The following CACNA2D3 variants were observed in gnomAD, a reference collection of about 807,000 sequenced individuals.
CACNA2D3 encodes voltage-dependent calcium channel subunit alpha-2/delta-3.
In CACNA2D3, 60 loss-of-function variants were observed where a neutral mutation model predicts 160.6. The ratio of observed to expected loss-of-function variants is 0.37; its 90% CI spans 0.30 to 0.46. The LOEUF (loss-of-function observed/expected upper bound fraction) is 0.46, where lower values mean the gene tolerates loss of function less well. Ranked by LOEUF, CACNA2D3 falls within the 20% of genes least tolerant of loss-of-function variation. CACNA2D3 has a pLI of 1.00. For missense variants in CACNA2D3, 1,205 were observed against 1,365.0 expected (o/e 0.88, Z 1.85); for synonymous variants, 558 against 492.9 (o/e 1.13, Z -1.75).
At chr3:54,276,572 C>CAAAAAA in intron 2 of CACNA2D3, among the ~76,000 whole-genome samples, 1 of 114,598 alleles carries the variant, frequency 8.7e-6, no homozygotes, top group East Asian at 2.3e-4. Context: ...GACTCTGTCT[C>CAAAAAA]AAAAAAAAAA....
At chr3:54,876,382 T>G (rs1393112398) in intron 18 of CACNA2D3, 1 of 152,160 alleles carries the variant, frequency 6.6e-6, no homozygotes, top group Non-Finnish European at 1.5e-5. Flanking sequence ...GGCAGTCTAT[T>G]AAGTCATCAA....
chr3:54,388,022 A>G (rs1868504), intron 4 of CACNA2D3, among the ~76,000 whole-genome samples: 16,480 of 152,250 alleles, frequency 0.11, 1,055 homozygotes, highest in African/African-American at 0.17. Context: ...GGGTACAACA[A>G]TGCATATTCA....
At position 54,626,998 on chromosome 3, in the gene CACNA2D3, T is replaced by G. The variant is rs551925942; in HGVS notation, c.964-789T>G. 5.9e-5 allele frequency among the ~76,000 whole-genome samples: 9 copies of G among 152,350 alleles called. No homozygotes were observed. In the South Asian group the frequency reaches 1.9e-3, roughly 32 times the overall value. ...TCTTAGGGCCTACTCTGGAAGAGCC[T>G]CACTCCCATTCTCCTTATTCCCTGG... is the stretch of plus-strand genomic sequence containing the variant. On this transcript the variant is annotated intron_variant, in intron 9 of 37. Coordinates refer to ENST00000474759, the MANE Select transcript of CACNA2D3 (RefSeq NM_018398.3).
At chr3:54,871,677 T>C in intron 18 of CACNA2D3, 55 bp downstream of exon 18, 1 of 1,378,118 alleles carries the variant, frequency 7.3e-7, no homozygotes, top group Non-Finnish European at 1.0e-6. Flanking sequence ...TACCCACTTC[T>C]GTACCTGGGG....
chr3:54,984,818 C>A, intron 30 of CACNA2D3, 148 bp downstream of exon 30: 1 of 618,278 alleles, frequency 1.6e-6, no homozygotes, highest in Non-Finnish European at 2.8e-6. Flanking sequence ...TTCCATCCCT[C>A]TAAGAATGCC....
intron 2 of CACNA2D3, among the ~76,000 whole-genome samples, chr3:54,229,967 T>C (rs1366244721): frequency 6.6e-6 from 1 of 152,204 alleles, no homozygotes; most frequent in Non-Finnish European, 1.5e-5. Context: ...CAACATACGA[T>C]GCTTCTGAAT....
intron 11 of CACNA2D3, among the ~76,000 whole-genome samples, chr3:54,681,921 G>C (rs1277016478): frequency 6.6e-6 from 1 of 152,040 alleles, no homozygotes; most frequent in Non-Finnish European, 1.5e-5. Flanking sequence ...GGCCTCAAGT[G>C]ATCCGCCTGC....
chr3:54,863,403 C>A (rs1699334733), intron 17 of CACNA2D3, among the ~76,000 whole-genome samples: 1 of 152,120 alleles, frequency 6.6e-6, no homozygotes, highest in Admixed American at 6.5e-5. Flanking sequence ...ATGGAGTTGC[C>A]ACTCTCCCTC....
chr3:54,976,635 C>T (rs985888024), intron 29 of CACNA2D3, among the ~76,000 whole-genome samples: 6 of 152,090 alleles, frequency 3.9e-5, no homozygotes, highest in African/African-American at 9.7e-5. Context: ...CTTATTGTTA[C>T]TATTATTAGT....
chr3:54,406,712 A>T (rs1036954391), intron 4 of CACNA2D3, among the ~76,000 whole-genome samples: 7 of 152,118 alleles, frequency 4.6e-5, no homozygotes, highest in Admixed American at 4.6e-4. Flanking sequence ...CAAAATAGCA[A>T]ATATGTAGGA....
chr3:54,173,242 C>T (rs1700609534), intron 2 of CACNA2D3, among the ~76,000 whole-genome samples: 1 of 152,134 alleles, frequency 6.6e-6, no homozygotes, highest in East Asian at 1.9e-4. Flanking sequence ...CCTTTTTGTG[C>T]TTAACATTCT....
intron 3 of CACNA2D3, among the ~76,000 whole-genome samples, chr3:54,363,039 CAAA>C (rs1418411892): frequency 6.6e-6 from 1 of 151,892 alleles, no homozygotes; most frequent in Admixed American, 6.6e-5. Flanking sequence ...TACTAAAATA[CAAA>C]AAATTAGCCA....
chr3:54,646,387 T>C (rs947083112), intron 11 of CACNA2D3, among the ~76,000 whole-genome samples: 1 of 142,740 alleles, frequency 7.0e-6, no homozygotes, highest in East Asian at 2.0e-4. Context: ...CCATTAGCTA[T>C]TCTTCCTGAT....
chr3:54,759,389 G>A (rs1559571814), intron 12 of CACNA2D3, among the ~76,000 whole-genome samples: 1 of 151,498 alleles, frequency 6.6e-6, no homozygotes, highest in East Asian at 1.9e-4. Context: ...AACAAGGGAA[G>A]TGTCTATGGT....
At chr3:54,524,217 T>C (rs1701690281) in intron 5 of CACNA2D3, among the ~76,000 whole-genome samples, 1 of 152,166 alleles carries the variant, frequency 6.6e-6, no homozygotes, top group Non-Finnish European at 1.5e-5. Flanking sequence ...TTCATTTATC[T>C]CAAAATATTT....
intron 2 of CACNA2D3, among the ~76,000 whole-genome samples, chr3:54,244,184 T>A (rs1351638837): frequency 1.3e-5 from 2 of 152,184 alleles, no homozygotes; most frequent in Admixed American, 6.5e-5. Flanking sequence ...CTCCTCCCAC[T>A]TTCTTTTGGT....
chr3:54,373,622 C>T (rs1698962638), intron 3 of CACNA2D3, among the ~76,000 whole-genome samples: 1 of 152,162 alleles, frequency 6.6e-6, no homozygotes, highest in Non-Finnish European at 1.5e-5. Context: ...ACTTCTCCTT[C>T]CAGTGCCATG....
intron 2 of CACNA2D3, among the ~76,000 whole-genome samples, chr3:54,154,345 T>C (rs1009499542): frequency 6.6e-6 from 1 of 152,212 alleles, no homozygotes; most frequent in Non-Finnish European, 1.5e-5. Flanking sequence ...TGTCTTATTA[T>C]TTCCATTTTA....
chr3:54,598,373 G>T (rs999267565), intron 9 of CACNA2D3, among the ~76,000 whole-genome samples: 1 of 148,800 alleles, frequency 6.7e-6, no homozygotes, highest in African/African-American at 2.5e-5. Flanking sequence ...AATCTACCTT[G>T]GCTTCAGATA....
Sources: gnomAD v4.1 joint callset for allele counts (sites outside exome capture counted in the v4.1 genomes callset) on GRCh38, gnomAD v4.1.1 for gene constraint, MANE v1.5 for transcripts, NCBI Gene and HGNC (gene_info 2026-07-23, HGNC 2026-07-21) for gene names.